Variants in SLCO2B1 observed in about 807,000 individuals in gnomAD.
SLCO2B1 encodes the protein solute carrier organic anion transporter family member 2B1, also known as OATP-RP2.
SLCO2B1 carries 41 observed loss-of-function variants against 67.3 expected under a neutral mutation model. The ratio of observed to expected loss-of-function variants is 0.61; its 90% CI spans 0.47 to 0.79. The LOEUF is 0.79. Ranked by LOEUF, SLCO2B1 falls within the 30% of genes least tolerant of loss-of-function variation. The pLI, the probability that SLCO2B1 is intolerant of heterozygous loss-of-function variation, is 0.00. For missense variants in SLCO2B1, 837 were observed against 920.1 expected, an observed-to-expected ratio of 0.91 and a Z score of 1.17; for synonymous variants, 379 against 381.4, an observed-to-expected ratio of 0.99 and a Z score of 0.07.
Position 75,193,843 on chromosome 11 carries a change from G to A in SLCO2B1, c.1433+268G>A, listed in dbSNP as rs928722214. Among the ~76,000 whole-genome samples, 21 of 152,222 alleles carry A rather than the reference G, an allele frequency of 1.4e-4. 1 individual carries two copies. The highest frequency in any genetic ancestry group is 8.5e-4 in the Admixed American group (13 of 15,284). On this transcript the variant is annotated intron_variant, in intron 9 of 13. Transcript: ENST00000289575. The surrounding 1 kb of genome is among the most constrained non-coding windows in gnomAD (Gnocchi z 4.2). ...CCAGGAGGGTGTGGAGGCTGAGATAGGGCAGAGCCACCCATGGGATGGCAT... is the reference window on the plus strand; with the variant it reads ...CCAGGAGGGTGTGGAGGCTGAGATAAGGCAGAGCCACCCATGGGATGGCAT...
chr11:75,191,905 A>G (rs1003999210), intron 8 of SLCO2B1, among the ~76,000 whole-genome samples: 11 of 152,202 alleles, frequency 7.2e-5, no homozygotes, highest in Admixed American at 6.5e-5. Flanking sequence ...GAAAGGACTT[A>G]CCCACCCTTT....
chr11:75,167,084 C>G (rs889147513), intron 4 of SLCO2B1, among the ~76,000 whole-genome samples: 5 of 152,088 alleles, frequency 3.3e-5, no homozygotes, highest in African/African-American at 1.2e-4. Context: ...CCATTAGAGC[C>G]CTGAATAGGG....
chr11:75,183,816 AAGGCATGAGTTTTCTACTC>A (rs1406013105), intron 7 of SLCO2B1, among the ~76,000 whole-genome samples: 1 of 152,224 alleles, frequency 6.6e-6, no homozygotes, highest in Non-Finnish European at 1.5e-5. Context: ...GAGCTCAGTC[AAGGCATGAGTTTTCTACTC>A]AGGCAAGCTT....
intron 8 of SLCO2B1, among the ~76,000 whole-genome samples, chr11:75,191,065 A>G (rs1047043262): frequency 9.2e-5 from 14 of 152,208 alleles, no homozygotes; most frequent in African/African-American, 3.4e-4. Context: ...TGCAGTGATC[A>G]GTGCAGGAGA....
intron 6 of SLCO2B1, chr11:75,169,991 A>G (rs1949940008): frequency 1.9e-6 from 1 of 530,914 alleles, no homozygotes; most frequent in East Asian, 3.2e-5. Flanking sequence ...GATAAACTGT[A>G]AAGTGCCATC....
At chr11:75,195,507 G>A (rs1355975866) in intron 9 of SLCO2B1, among the ~76,000 whole-genome samples, 1 of 151,454 alleles carries the variant, frequency 6.6e-6, no homozygotes, top group Admixed American at 6.6e-5. Flanking sequence ...GGGAGGGAGA[G>A]GAGCTCACTT....
intron 1 of SLCO2B1, among the ~76,000 whole-genome samples, chr11:75,152,103 C>G (rs1949698641): frequency 6.6e-6 from 1 of 152,228 alleles, no homozygotes; most frequent in African/African-American, 2.4e-5. Context: ...GGAAAAAGGT[C>G]TTGAAGCTCT....
intron 10 of SLCO2B1, among the ~76,000 whole-genome samples, chr11:75,199,396 G>T (rs888202194): frequency 6.6e-6 from 1 of 152,098 alleles, no homozygotes; most frequent in South Asian, 2.1e-4. Flanking sequence ...CCCACTCTAT[G>T]ATGGGCTCCT....
intron 7 of SLCO2B1, among the ~76,000 whole-genome samples, chr11:75,186,657 C>A (rs1944937697): frequency 6.6e-6 from 1 of 152,162 alleles, no homozygotes. Context: ...CCGGCCTAGG[C>A]ATAAGTCTTC....
chr11:75,163,997 C>A lies in SLCO2B1; in HGVS notation c.182C>A (p.Ala61Glu). The A allele has an allele frequency of 6.2e-7, 1 of 1,604,248 alleles. No individual in the cohort carries two copies. Among genetic ancestry groups the A allele is most frequent in the Non-Finnish European group, 8.5e-7 (1 of 1,175,534 alleles). Residue 61 changes from alanine to glutamate, a missense_variant, in exon 3 of 14, where the codon GCG becomes GAG. Coordinates refer to ENST00000289575, the MANE Select transcript of SLCO2B1 (RefSeq NM_007256.5). ...FVLCHSLLQL[A>E]QLMISGYLKS... Reference sequence around the variant, plus strand: ...CTGTGCCACAGCCTGCTGCAGCTGGCGCAGCTCATGATCTCCGGCTACCTA... The same window carrying A: ...CTGTGCCACAGCCTGCTGCAGCTGGAGCAGCTCATGATCTCCGGCTACCTA...
chr11:75,154,333 A>G (rs1008889697), intron 1 of SLCO2B1, among the ~76,000 whole-genome samples: 13 of 149,886 alleles, frequency 8.7e-5, no homozygotes, highest in African/African-American at 3.2e-4. Context: ...ATCTCTACTA[A>G]AAAAAAAATA....
chr11:75,197,202 GA>G (rs771144306), intron 10 of SLCO2B1, among the ~76,000 whole-genome samples: 3 of 152,236 alleles, frequency 2.0e-5, no homozygotes, highest in Non-Finnish European at 4.4e-5. Context: ...CTGTGCAGGG[GA>G]GATGCAAAAG....
intron 3 of SLCO2B1, among the ~76,000 whole-genome samples, chr11:75,164,402 A>G (rs111864323): frequency 1.9e-4 from 29 of 152,058 alleles, no homozygotes; most frequent in African/African-American, 6.5e-4. Context: ...GCACCCAACT[A>G]TTGCCTGTCC....
At chr11:75,157,340 G>A (rs1949757484) in intron 1 of SLCO2B1, among the ~76,000 whole-genome samples, 1 of 152,230 alleles carries the variant, frequency 6.6e-6, no homozygotes, top group Non-Finnish European at 1.5e-5. Flanking sequence ...GTAAGGTACA[G>A]TTTGAGTTTT....
At chr11:75,186,892 C>T (rs1375488403) in intron 7 of SLCO2B1, among the ~76,000 whole-genome samples, 1 of 152,176 alleles carries the variant, frequency 6.6e-6, no homozygotes, top group Non-Finnish European at 1.5e-5. Flanking sequence ...GCCTTGGTTG[C>T]CCCCTTCCTT....
At chr11:75,196,093 A>G (rs1275091352) in intron 9 of SLCO2B1, among the ~76,000 whole-genome samples, 1 of 152,188 alleles carries the variant, frequency 6.6e-6, no homozygotes, top group East Asian at 1.9e-4. Flanking sequence ...CAGGCTGGAG[A>G]TCCCACGGGT....
intron 7 of SLCO2B1, among the ~76,000 whole-genome samples, chr11:75,185,050 G>A (rs995378021): frequency 2.6e-5 from 4 of 152,160 alleles, no homozygotes; most frequent in East Asian, 3.9e-4. Context: ...AAAAGTCCAA[G>A]GGAACACACA....
intron 13 of SLCO2B1, 44 bp from the exon 14 acceptor site, chr11:75,204,356 G>A (rs776515225): frequency 6.5e-7 from 1 of 1,546,470 alleles, no homozygotes; most frequent in East Asian, 2.3e-5. Context: ...TCCATGCCCT[G>A]GCCTGGCAGC....
rs570699727 is a variant in SLCO2B1 at position 75,193,033 on chromosome 11, A to AG, written c.1076-185_1076-184insG. ...ACCCCAGCCTGGGCGACAGAGAGAGAAAAAAAAAGGGACTAGAGTAAATGG... is the reference window on the plus strand; with the variant it reads ...ACCCCAGCCTGGGCGACAGAGAGAGAGAAAAAAAAGGGACTAGAGTAAATGG... On this transcript the variant is annotated intron_variant, in intron 8 of 13. Transcript: ENST00000289575. This position sits in a 1 kb window ranked among gnomAD's most constrained non-coding sequence, Gnocchi z 4.2. Among the ~76,000 whole-genome samples, 21 of 151,812 alleles carry AG rather than the reference A, an allele frequency of 1.4e-4. No individual in the cohort carries two copies. Among genetic ancestry groups the AG allele is most frequent in the Admixed American group, 4.6e-4 (7 of 15,232 alleles).
Sources: gnomAD v4.1 joint callset for allele counts (sites outside exome capture counted in the v4.1 genomes callset) on GRCh38, gnomAD v4.1.1 for gene constraint, Gnocchi (gnomAD v3.1) non-coding constraint, MANE v1.5 for transcripts, NCBI Gene and HGNC (gene_info 2026-07-23, HGNC 2026-07-21) for gene names.